The following FAM216A variants were observed in gnomAD, a reference collection of about 807,000 sequenced individuals.
The protein encoded by FAM216A is family with sequence similarity 216 member A.
Under a neutral mutation model 37.6 loss-of-function variants are expected in FAM216A, and 26 were observed. The observed-to-expected ratio is 0.69, with a 90% CI of 0.51 to 0.96. The LOEUF is 0.96. FAM216A is among the 40% of genes least tolerant of loss of function. The probability of loss-of-function intolerance (pLI) is 0.00; values close to 1 mark genes in which losing one functional copy is unlikely to be tolerated. For synonymous variants in FAM216A, 110 were observed against 121.7 expected (o/e 0.90, Z 0.64); for missense variants, 326 against 339.3 (o/e 0.96, Z 0.31).
Position 110,473,126 on chromosome 12 carries a change from G to T in FAM216A, c.184+8G>T. On this transcript the variant is annotated splice_region_variant and intron_variant, in intron 2 of 6. Transcript: ENST00000377673. ...AGAATTCCAAAGGTTCTGGTGAGTA[G>T]TGCATATAAAGCAGATAATACTTAT... The T allele has an allele frequency of 6.5e-7, 1 of 1,537,624 alleles. No homozygotes were observed. Among genetic ancestry groups the T allele is most frequent in the Non-Finnish European group, 8.9e-7 (1 of 1,122,064 alleles).
At chr12:110,469,158 C>G in intron 1 of FAM216A, 140 bp downstream of exon 1, 1 of 1,018,370 alleles carries the variant, frequency 9.8e-7, no homozygotes, top group Non-Finnish European at 1.3e-6. Flanking sequence ...AAGTGAGAGG[C>G]GGGGAGCAGT....
At chr12:110,489,205 G>T (rs1055397309) in intron 6 of FAM216A, among the ~76,000 whole-genome samples, 1 of 152,086 alleles carries the variant, frequency 6.6e-6, no homozygotes, top group African/African-American at 2.4e-5. Flanking sequence ...AGGGAGGTGG[G>T]TAAGAAGTAG....
Position 110,487,934 on chromosome 12 carries a change from A to G in FAM216A, c.694A>G (p.Met232Val), listed in dbSNP as rs1211263734. 3 of 1,592,632 alleles carry G rather than the reference A, an allele frequency of 1.9e-6. No individual in the cohort carries two copies. The highest frequency in any genetic ancestry group is 1.3e-5 in the African/African-American group (1 of 74,358). The change falls in exon 6 of 7, where the codon ATG (methionine) becomes GTG (valine). Residue 232 changes from methionine (M) to valine (V), a missense_variant. Met to Val is a conservative substitution (Grantham distance 21). Transcript: ENST00000377673. The part of the protein sequence containing the change: ...KIFRRPRKLF[M>V]QTVSSDDSES... Reference sequence around the variant, plus strand: ...TTTTAGAAGACCAAGGAAACTGTTCATGCAAACAGGTAAATGTGGAAATTT... The same window carrying G: ...TTTTAGAAGACCAAGGAAACTGTTCGTGCAAACAGGTAAATGTGGAAATTT...
rs768531395 is a variant in FAM216A, at chr12:110,487,843, T to C, written c.621-18T>C. The C allele has an allele frequency of 6.7e-7, 1 of 1,481,582 alleles. No homozygotes were observed. The highest frequency in any genetic ancestry group is 2.3e-5 in the East Asian group (1 of 44,114). The allele number at this position is 1,481,582 out of a possible 1,614,324, so 91.8% of individuals were successfully genotyped here. A position where few individuals can be genotyped will look rare whatever the true frequency, so the allele number is the denominator to read the frequency against. On this transcript the variant is annotated intron_variant, in intron 5 of 6. Transcript: ENST00000377673. ...TTCACTTTGCTGGCTCCAACTAAGA[T>C]ACTTCCCTTTCTTATAGGATAAAAA... is the stretch of plus-strand genomic sequence containing the variant.
At chr12:110,473,199 A>G (rs2062696407) in intron 2 of FAM216A, 81 bp downstream of exon 2, 7 of 725,556 alleles carry the variant, frequency 9.6e-6, no homozygotes, top group African/African-American at 1.8e-5. Flanking sequence ...TACTTACACA[A>G]TAGAGTTTTT....
chr12:110,476,269 G>C (rs562718316), intron 2 of FAM216A, among the ~76,000 whole-genome samples: 50 of 150,146 alleles, frequency 3.3e-4, no homozygotes, highest in African/African-American at 1.2e-3. Context: ...GCGCGATCTC[G>C]GCTCACTGCA....
intron 3 of FAM216A, among the ~76,000 whole-genome samples, chr12:110,486,030 C>A (rs544556033): frequency 2.1e-4 from 32 of 152,284 alleles, no homozygotes; most frequent in Non-Finnish European, 4.3e-4. Context: ...CACTGAGAGG[C>A]GCACAGCAAG....
chr12:110,484,910 C>G (rs2062768305), intron 2 of FAM216A, among the ~76,000 whole-genome samples, 168 bp from the exon 3 acceptor site: 1 of 152,084 alleles, frequency 6.6e-6, no homozygotes, highest in Non-Finnish European at 1.5e-5. Flanking sequence ...CCGTGTTAGC[C>G]AGGATGGTCT....
At chr12:110,468,804 G>A (rs2062657751), upstream of FAM216A, 4 of 1,457,746 alleles carry the variant, frequency 2.7e-6, no homozygotes, top group Non-Finnish European at 3.6e-6. Flanking sequence ...CTTCGGAGGG[G>A]CGAGAAGCCA....
chr12:110,480,046 A>G (rs949269318), intron 2 of FAM216A, among the ~76,000 whole-genome samples: 6 of 150,474 alleles, frequency 4.0e-5, no homozygotes, highest in Non-Finnish European at 8.9e-5. Flanking sequence ...TTTCTTTGAG[A>G]TGGAGTTTCG....
intron 2 of FAM216A, among the ~76,000 whole-genome samples, chr12:110,481,802 CCT>C (rs1243201267): frequency 1.3e-5 from 2 of 151,972 alleles, no homozygotes; most frequent in Non-Finnish European, 2.9e-5. Flanking sequence ...ATATAAATAG[CCT>C]CTGTTTACAA....
intron 2 of FAM216A, among the ~76,000 whole-genome samples, chr12:110,474,759 TG>T (rs377388618): frequency 0.019 from 2,813 of 148,824 alleles, 40 homozygotes; most frequent in Middle Eastern, 0.079. Flanking sequence ...CCCAGCACTT[TG>T]GGAGGCTGAG....
intron 2 of FAM216A, among the ~76,000 whole-genome samples, chr12:110,479,349 A>G (rs527824713): frequency 8.6e-5 from 13 of 152,000 alleles, no homozygotes; most frequent in Non-Finnish European, 1.5e-4. Flanking sequence ...ATCTATTTCA[A>G]TATTTCTACT....
intron 2 of FAM216A, among the ~76,000 whole-genome samples, chr12:110,475,721 C>CAA (rs112122723): frequency 7.2e-5 from 7 of 96,984 alleles, no homozygotes; most frequent in Non-Finnish European, 1.4e-4. Flanking sequence ...TCACCCCTGG[C>CAA]AAAAAAAAAA....
intron 2 of FAM216A, among the ~76,000 whole-genome samples, chr12:110,477,398 G>GTACAATCTC (rs2135546146): frequency 6.6e-6 from 1 of 152,222 alleles, no homozygotes; most frequent in South Asian, 2.1e-4. Flanking sequence ...TGTCTCCTAG[G>GTACAATCTC]CTGGAGTGCA....
chr12:110,471,621 A>C (rs1354765289), intron 1 of FAM216A, among the ~76,000 whole-genome samples: 1 of 152,220 alleles, frequency 6.6e-6, no homozygotes, highest in Non-Finnish European at 1.5e-5. Context: ...ATGTGATCTT[A>C]CTTTACTTAA....
chr12:110,488,069 C>G, intron 6 of FAM216A, 126 bp downstream of exon 6: 1 of 648,896 alleles, frequency 1.5e-6, no homozygotes, highest in Non-Finnish European at 2.7e-6. Flanking sequence ...CTTTTATTGT[C>G]ACAAATAAAA....
chr12:110,486,296 A>T, intron 3 of FAM216A, 29 bp from the exon 4 acceptor site: 1 of 1,559,124 alleles, frequency 6.4e-7, no homozygotes, highest in Non-Finnish European at 8.7e-7. Context: ...TACAATGCAG[A>T]CTATAAATCC....
intron 5 of FAM216A, 55 bp downstream of exon 5, chr12:110,486,772 T>TC: frequency 6.7e-7 from 1 of 1,494,220 alleles, no homozygotes; most frequent in Non-Finnish European, 9.1e-7. Context: ...TTTTTTTTTT[T>TC]CTCAGACAGG....
Sources: gnomAD v4.1 joint callset for allele counts (sites outside exome capture counted in the v4.1 genomes callset) on GRCh38, gnomAD v4.1.1 for gene constraint, MANE v1.5 for transcripts, NCBI Gene and HGNC (gene_info 2026-07-23, HGNC 2026-07-21) for gene names.